The following BLTP2 variants were observed in gnomAD, a reference collection of about 807,000 sequenced individuals.
BLTP2 encodes the protein bridge-like lipid transfer protein family member 2, also known as U937-associated antigen.
the BLTP2 span, chr17:28,631,587 G>A: frequency 6.2e-7 from 1 of 1,614,108 alleles, no homozygotes; most frequent in East Asian, 2.2e-5. Context: ...TCTCTTCAGT[G>A]GGTGAGGCCA....
chr17:28,620,634 G>A, the BLTP2 span: 376,431 of 1,611,342 alleles, frequency 0.23, 45,483 homozygotes, highest in African/African-American at 0.34. Flanking sequence ...ACAGCCCCTA[G>A]ATAATTGTTA....
chr17:28,642,047 GC>G, the BLTP2 span: 2 of 1,614,170 alleles, frequency 1.2e-6, no homozygotes, highest in Non-Finnish European at 1.7e-6. Flanking sequence ...CAGGTCCAGG[GC>G]CAGTGAAAGC....
the BLTP2 span, chr17:28,638,456 T>C: frequency 1.9e-6 from 3 of 1,604,990 alleles, no homozygotes; most frequent in Admixed American, 1.7e-5. Flanking sequence ...GGAGCCACTG[T>C]GGCCATCAAT....
the BLTP2 span, among the ~76,000 whole-genome samples, chr17:28,630,264 T>C: frequency 6.6e-6 from 1 of 151,840 alleles, no homozygotes; most frequent in Non-Finnish European, 1.5e-5. Flanking sequence ...TCCAGCCATC[T>C]TCCCACCTCA....
the BLTP2 span, chr17:28,628,457 C>T: frequency 2.5e-6 from 4 of 1,614,110 alleles, no homozygotes; most frequent in Non-Finnish European, 3.4e-6. Flanking sequence ...TCATATAACC[C>T]AAAGGCAATG....
chr17:28,625,877 G>A, the BLTP2 span, among the ~76,000 whole-genome samples: 4 of 152,006 alleles, frequency 2.6e-5, no homozygotes, highest in Non-Finnish European at 2.9e-5. Context: ...CAATTCTACC[G>A]TCTCAGCCTC....
At chr17:28,620,098 A>C in the BLTP2 span, 4 of 1,272,826 alleles carry the variant, frequency 3.1e-6, no homozygotes, top group East Asian at 2.4e-5. Context: ...GGAGAAAGAA[A>C]TGGGGGGGGT....
the BLTP2 span, chr17:28,615,860 T>C: frequency 6.3e-7 from 1 of 1,582,300 alleles, no homozygotes; most frequent in African/African-American, 1.3e-5. Context: ...AGCTGCCATT[T>C]TGAGTCCCAG....
the BLTP2 span, chr17:28,624,238 A>C: frequency 6.2e-7 from 1 of 1,614,006 alleles, no homozygotes; most frequent in Middle Eastern, 1.7e-4. Flanking sequence ...GGTACCTGAC[A>C]GTTGACCAAT....
the BLTP2 span, chr17:28,614,618 T>G: frequency 6.4e-6 from 1 of 155,726 alleles, no homozygotes. Context: ...AGAACACCAA[T>G]ACCTCTTTCA....
chr17:28,639,568 A>G, the BLTP2 span: 1 of 1,613,944 alleles, frequency 6.2e-7, no homozygotes, highest in African/African-American at 1.3e-5. Flanking sequence ...TACCACAATC[A>G]TCACACCTGC....
chr17:28,634,184 TAC>T, the BLTP2 span: 1 of 1,069,868 alleles, frequency 9.3e-7, no homozygotes, highest in South Asian at 1.5e-5. Context: ...CATCTATATT[TAC>T]AAAGTCAATT....
At chr17:28,629,722 G>A in the BLTP2 span, among the ~76,000 whole-genome samples, 3 of 151,302 alleles carry the variant, frequency 2.0e-5, no homozygotes, top group African/African-American at 4.9e-5. Flanking sequence ...CAAATGATCC[G>A]CCCACCTTGG....
At chr17:28,627,199 T>C in the BLTP2 span, among the ~76,000 whole-genome samples, 1 of 152,158 alleles carries the variant, frequency 6.6e-6, no homozygotes, top group Non-Finnish European at 1.5e-5. Context: ...CTTTTGAGTT[T>C]GGGTTTTTCC....
At chr17:28,618,402 C>T in the BLTP2 span, among the ~76,000 whole-genome samples, 1 of 152,244 alleles carries the variant, frequency 6.6e-6, no homozygotes, top group South Asian at 2.1e-4. Context: ...CAGGTATGCA[C>T]CACGATGCCC....
the BLTP2 span, among the ~76,000 whole-genome samples, chr17:28,625,209 A>G: frequency 6.6e-6 from 1 of 151,612 alleles, no homozygotes; most frequent in South Asian, 2.1e-4. Context: ...GGTGGCATGC[A>G]CCTGTAATCC....
chr17:28,624,353 A>G, the BLTP2 span: 1,900 of 1,612,442 alleles, frequency 1.2e-3, 40 homozygotes, highest in South Asian at 0.018. Context: ...CTACAAACCT[A>G]TCTGTCTCTT....
At chr17:28,615,640 C>T in the BLTP2 span, 31 of 1,605,208 alleles carry the variant, frequency 1.9e-5, no homozygotes, top group Non-Finnish European at 2.6e-5. Context: ...ATTAGCCAAA[C>T]AGCCATGAGC....
chr17:28,642,725 G>T, the BLTP2 span: 2 of 644,852 alleles, frequency 3.1e-6, no homozygotes, highest in East Asian at 5.0e-5. Flanking sequence ...CTGGTGGCTA[G>T]AAGGGACAAG....
Sources: gnomAD v4.1 joint callset for allele counts (sites outside exome capture counted in the v4.1 genomes callset) on GRCh38, gnomAD v4.1.1 for gene constraint, MANE v1.5 for transcripts, NCBI Gene and HGNC (gene_info 2026-07-23, HGNC 2026-07-21) for gene names.